ELP1: variants seen among roughly 807,000 people sequenced by gnomAD.
ELP1 encodes elongator complex protein 1.
A neutral mutation model predicts 183.2 loss-of-function variants in ELP1; 131 were observed. The observed-to-expected ratio is 0.72, with a 90% CI of 0.62 to 0.83. The LOEUF (loss-of-function observed/expected upper bound fraction) is 0.83, where lower values mean the gene tolerates loss of function less well. Ranked by LOEUF, ELP1 falls within the 40% of genes least tolerant of loss-of-function variation. The probability of loss-of-function intolerance (pLI) is 0.00; values close to 1 mark genes in which losing one functional copy is unlikely to be tolerated. For missense variants in ELP1, 1,550 were observed against 1,594.9 expected, an observed-to-expected ratio of 0.97 and a Z score of 0.48; for synonymous variants, 555 against 569.0, an observed-to-expected ratio of 0.98 and a Z score of 0.35.
chr9:108,896,211 C>T (rs533254353), intron 25 of ELP1, among the ~76,000 whole-genome samples: 11 of 152,134 alleles, frequency 7.2e-5, no homozygotes, highest in East Asian at 1.9e-4. Flanking sequence ...AAGCCGAGAT[C>T]GCACCACTGC....
chr9:108,904,041 T>G (rs1828923541), intron 14 of ELP1, among the ~76,000 whole-genome samples: 1 of 152,158 alleles, frequency 6.6e-6, no homozygotes, highest in Non-Finnish European at 1.5e-5. Context: ...TTGCCTTCAT[T>G]AGACATGGAT....
At chr9:108,919,809 C>A (rs1829577645) in intron 6 of ELP1, among the ~76,000 whole-genome samples, 1 of 152,150 alleles carries the variant, frequency 6.6e-6, no homozygotes, top group African/African-American at 2.4e-5. Flanking sequence ...AAGGCAGCAG[C>A]AGACAATGAC....
At chr9:108,927,061 T>G (rs1359913854) in intron 4 of ELP1, among the ~76,000 whole-genome samples, 1 of 152,218 alleles carries the variant, frequency 6.6e-6, no homozygotes, top group East Asian at 1.9e-4. Flanking sequence ...TAACTCTAAC[T>G]GGGGACTTAG....
intron 29 of ELP1, among the ~76,000 whole-genome samples, chr9:108,883,323 C>A (rs1373501932): frequency 6.6e-6 from 1 of 152,150 alleles, no homozygotes; most frequent in Non-Finnish European, 1.5e-5. Flanking sequence ...ACCGCCATGC[C>A]TGGCTAATTG....
At chr9:108,918,511 T>A (rs1462990154) in intron 8 of ELP1, among the ~76,000 whole-genome samples, 2 of 152,152 alleles carry the variant, frequency 1.3e-5, no homozygotes, top group Non-Finnish European at 2.9e-5. Flanking sequence ...GTACAATGGC[T>A]TCATATATAC....
chr9:108,874,183 C>T (rs1252232289), intron 36 of ELP1, among the ~76,000 whole-genome samples: 3 of 152,142 alleles, frequency 2.0e-5, no homozygotes, highest in Admixed American at 2.0e-4. Context: ...GTTAAAACTG[C>T]CAATTATTTT....
intron 36 of ELP1, among the ~76,000 whole-genome samples, chr9:108,871,690 G>A (rs1827465824): frequency 2.0e-5 from 3 of 152,074 alleles, no homozygotes; most frequent in Non-Finnish European, 4.4e-5. Context: ...ACCATCCTTT[G>A]CTGGCATTAA....
At chr9:108,891,789 C>G (rs12345432) in intron 27 of ELP1, among the ~76,000 whole-genome samples, 30,463 of 151,992 alleles carry the variant, frequency 0.2, 3,349 homozygotes, top group African/African-American at 0.28. Flanking sequence ...AGTAAAGGGA[C>G]AGAGGACAGT....
intron 8 of ELP1, among the ~76,000 whole-genome samples, chr9:108,918,500 T>C (rs1564101797): frequency 2.0e-5 from 3 of 152,216 alleles, no homozygotes; most frequent in Admixed American, 2.0e-4. Flanking sequence ...TTTTCTGCTC[T>C]GTACAATGGC....
Position 108,926,678 on chromosome 9 carries a change from T to C in ELP1, c.386-75A>G, listed in dbSNP as rs1420871497. ...CCATTCCTAAGTACCTATGGCACTG[T>C]AAGCTAAGGAGCTGGAGTTAGTCTG... On this transcript the variant is annotated intron_variant, in intron 4 of 36. Coordinates refer to ENST00000374647, the MANE Select transcript of ELP1 (RefSeq NM_003640.5). 13 of 1,035,100 alleles carry C rather than the reference T, an allele frequency of 1.3e-5. No individual in the cohort carries two copies. The African/African-American group carries it at 1.9e-4, about 15-fold the overall frequency. The allele number at this position is 1,035,100 out of a possible 1,614,324, so 64.1% of individuals were successfully genotyped here. A position where few individuals can be genotyped will look rare whatever the true frequency, so the allele number is the denominator to read the frequency against.
At chr9:108,896,113 C>A (rs545027840) in intron 25 of ELP1, among the ~76,000 whole-genome samples, 1 of 152,100 alleles carries the variant, frequency 6.6e-6, no homozygotes, top group Admixed American at 6.5e-5. Flanking sequence ...AAAAATTAGC[C>A]GGGCGTGGTG....
intron 32 of ELP1, 151 bp from the exon 33 acceptor site, chr9:108,879,708 T>G: frequency 4.3e-6 from 3 of 704,858 alleles, no homozygotes; most frequent in Non-Finnish European, 7.8e-6. Flanking sequence ...ATGAATGAGA[T>G]AATATTAAAT....
At chr9:108,884,602 T>C in intron 29 of ELP1, among the ~76,000 whole-genome samples, 1 of 152,150 alleles carries the variant, frequency 6.6e-6, no homozygotes, top group East Asian at 1.9e-4. Flanking sequence ...AAATCTCCAA[T>C]ATCTGCAAGT....
intron 35 of ELP1, among the ~76,000 whole-genome samples, chr9:108,875,293 G>C (rs976356072): frequency 9.9e-5 from 15 of 152,194 alleles, no homozygotes; most frequent in African/African-American, 3.4e-4. Context: ...GAGTAAAAGA[G>C]GCTACAAATA....
At chr9:108,913,309 C>A (rs939981286) in intron 10 of ELP1, among the ~76,000 whole-genome samples, 2 of 152,164 alleles carry the variant, frequency 1.3e-5, no homozygotes, top group African/African-American at 4.8e-5. Flanking sequence ...GGGTATTAAT[C>A]CTGATTCAGC....
At chr9:108,927,254 G>A in intron 4 of ELP1, 118 bp downstream of exon 4, 2 of 781,200 alleles carry the variant, frequency 2.6e-6, no homozygotes. Context: ...TTCATAATTG[G>A]TATTATACTG....
At position 108,869,000 on chromosome 9, in the gene ELP1, A is replaced by C. The variant is rs1291488160; in HGVS notation, c.*115T>G. 3.2e-5 allele frequency: 28 copies of C among 874,664 alleles called. 1 individual carries two copies. Among genetic ancestry groups the C allele is most frequent in the Middle Eastern group, 4.9e-4 (2 of 4,112 alleles). The allele number at this position is 874,664 out of a possible 1,614,324, so 54.2% of individuals were successfully genotyped here. A position where few individuals can be genotyped will look rare whatever the true frequency, so the allele number is the denominator to read the frequency against. ...GTTCTTGGCAATGCTAAGGTAAGTT[A>C]TCATTTTACTCTTTCCAGTTCTCAA... On this transcript the variant is annotated 3_prime_UTR_variant, in exon 37 of 37. Transcript: ENST00000374647.
chr9:108,887,492 A>T (rs1241086888), intron 29 of ELP1, among the ~76,000 whole-genome samples: 2 of 152,254 alleles, frequency 1.3e-5, no homozygotes, highest in African/African-American at 2.4e-5. Flanking sequence ...GAGTTTAGCA[A>T]GGTTGCAGGA....
At chr9:108,924,973 T>C (rs1283557290) in intron 5 of ELP1, among the ~76,000 whole-genome samples, 1 of 152,216 alleles carries the variant, frequency 6.6e-6, no homozygotes, top group Non-Finnish European at 1.5e-5. Flanking sequence ...AGGGGAATCA[T>C]GCACATATAT....
Sources: allele counts gnomAD v4.1 joint callset (sites outside exome capture counted in the v4.1 genomes callset), GRCh38; gene constraint gnomAD v4.1.1; transcripts MANE v1.5; gene names NCBI Gene and HGNC (gene_info 2026-07-23, HGNC 2026-07-21).